Variants in SPAST observed in about 807,000 individuals in gnomAD.
SPAST encodes the protein spastin, also known as spastic paraplegia 4 (autosomal dominant; spastin).
In SPAST, 30 loss-of-function variants were observed where a neutral mutation model predicts 76.6. The observed-to-expected ratio is 0.39, with a 90% CI of 0.29 to 0.53. The LOEUF is 0.53. Among genes scored for constraint, SPAST ranks in the 20% least tolerant of loss-of-function variants. The probability of loss-of-function intolerance (pLI) is 0.68; values close to 1 mark genes in which losing one functional copy is unlikely to be tolerated. For synonymous variants in SPAST, 305 were observed against 281.0 expected (o/e 1.09, Z -0.86); for missense variants, 717 against 770.5 (o/e 0.93, Z 0.82).
chr2:32,140,743 C>T (rs1359683051), intron 12 of SPAST, among the ~76,000 whole-genome samples: 1 of 146,686 alleles, frequency 6.8e-6, no homozygotes, highest in East Asian at 1.9e-4. Flanking sequence ...GTGGCAAAAC[C>T]CCATATCTAT....
intron 4 of SPAST, among the ~76,000 whole-genome samples, chr2:32,106,780 T>G (rs897731336): frequency 6.6e-6 from 1 of 152,138 alleles, no homozygotes; most frequent in Non-Finnish European, 1.5e-5. Context: ...CCTCTTCCCA[T>G]TCCTTCCTCT....
rs2148753625 is a variant in SPAST at position 32,136,570 on chromosome 2, A to G, written c.1253A>G (p.Glu418Gly). 6.2e-7 allele frequency: 1 copy of G among 1,612,016 alleles called. No homozygotes were observed. The highest frequency in any genetic ancestry group is 8.5e-7 in the Non-Finnish European group (1 of 1,178,178). The change falls in exon 10 of 17, where the codon GAA (glutamate) becomes GGA (glycine). Residue 418 changes from glutamate (E) to glycine (G), a missense_variant. Physicochemically the swap from Glu to Gly is moderately conservative, Grantham distance 98. This residue lies in a region of SPAST where 78 missense variants were observed against 197.6 expected (regional missense o/e 0.39). Coordinates refer to ENST00000315285, the MANE Select transcript of SPAST (RefSeq NM_014946.4). ...AASLTSKYVG[E>G]GEKLVRALFA... ...TATAATGCTTTGTTTTAGGTGGGAG[A>G]AGGAGAGAAATTGGTGAGGGCTCTT...
chr2:32,076,341 T>G (rs1205004791), intron 1 of SPAST, among the ~76,000 whole-genome samples: 1 of 152,216 alleles, frequency 6.6e-6, no homozygotes, highest in Non-Finnish European at 1.5e-5. Flanking sequence ...TGAAAATAAA[T>G]GTTTGCTAGT....
rs181676002 is a variant in SPAST, at chr2:32,115,888, A to G, written c.1004+53A>G. 2.4e-4 allele frequency: 332 copies of G among 1,392,118 alleles called. 3 individuals carry two copies. In the East Asian group the frequency reaches 8.1e-3, roughly 34 times the overall value. 86.2% of individuals were successfully genotyped at this position (1,392,118 alleles called of 1,614,324 possible). A position where few individuals can be genotyped will look rare whatever the true frequency, so the allele number is the denominator to read the frequency against. On this transcript the variant is annotated intron_variant, in intron 6 of 16. Transcript: ENST00000315285. The stretch of plus-strand genomic sequence containing the variant: ...TTTATAGTTTTTATATTTTAATTTT[A>G]CTTATAAAACATGTCAGGAGTGAAA...
chr2:32,128,784 G>C (rs988319231), intron 9 of SPAST: 1 of 378,444 alleles, frequency 2.6e-6, no homozygotes, highest in Non-Finnish European at 5.0e-6. Flanking sequence ...AATGTTGGCA[G>C]GGTTGCTTCC....
At chr2:32,078,226 G>A (rs1476916302) in intron 1 of SPAST, among the ~76,000 whole-genome samples, 1 of 152,016 alleles carries the variant, frequency 6.6e-6, no homozygotes, top group African/African-American at 2.4e-5. Context: ...TCCTGACCTC[G>A]TGATCCCCAT....
chr2:32,118,956 A>G (rs908741145), intron 7 of SPAST, among the ~76,000 whole-genome samples: 4 of 152,222 alleles, frequency 2.6e-5, no homozygotes, highest in Non-Finnish European at 5.9e-5. Context: ...TTTTCATGGT[A>G]GTGACATAAT....
chr2:32,080,048 A>G (rs1015589153), intron 1 of SPAST, among the ~76,000 whole-genome samples: 6 of 152,194 alleles, frequency 3.9e-5, no homozygotes, highest in Non-Finnish European at 8.8e-5. Context: ...CATTCCCACC[A>G]GCAGTGTACA....
At chr2:32,140,943 GTTT>G (rs35964074) in intron 12 of SPAST, among the ~76,000 whole-genome samples, 1 of 117,206 alleles carries the variant, frequency 8.5e-6, no homozygotes, top group African/African-American at 3.1e-5. Flanking sequence ...TGTTGTTGTT[GTTT>G]TTTTTTTTTT....
At chr2:32,085,789 C>T (rs1318020601) in intron 1 of SPAST, among the ~76,000 whole-genome samples, 1 of 151,980 alleles carries the variant, frequency 6.6e-6, no homozygotes, top group Non-Finnish European at 1.5e-5. Context: ...GCCTGTAATC[C>T]CAGCACTTTG....
intron 4 of SPAST, among the ~76,000 whole-genome samples, chr2:32,112,322 C>T (rs7581340): frequency 0.41 from 60,575 of 148,832 alleles, 12,613 homozygotes; most frequent in East Asian, 0.64. Context: ...TCTAGAACCT[C>T]GTTTTAAGGT....
chr2:32,093,310 CAAAAAAA>C lies in SPAST; in HGVS notation c.586+3722_586+3728del, dbSNP rs34291087. On this transcript the variant is annotated intron_variant, in intron 3 of 16. Coordinates refer to ENST00000315285, the MANE Select transcript of SPAST (RefSeq NM_014946.4). ...TGGGTGACAGAGCGAGACTCCGTCT[CAAAAAAA>C]AAAAAAAAAAAAAAAATAGCCGGGC... is the stretch of plus-strand genomic sequence containing the variant. Among the ~76,000 whole-genome samples the C allele has an allele frequency of 1.3e-3, 80 of 62,178 alleles. No homozygotes were observed. The South Asian group carries it at 0.022, about 17-fold the overall frequency. The allele number at this position is 62,178 out of a possible 152,430, so 40.8% of individuals were successfully genotyped here. A position where few individuals can be genotyped will look rare whatever the true frequency, so the allele number is the denominator to read the frequency against.
chr2:32,087,619 T>C lies in SPAST; in HGVS notation c.502+41T>C, dbSNP rs370933250. 853 of 925,594 alleles carry C rather than the reference T, an allele frequency of 9.2e-4. 2 individuals are homozygous for C. Among genetic ancestry groups the C allele is most frequent in the Non-Finnish European group, 1.4e-3 (793 of 580,126 alleles). 57.3% of individuals were successfully genotyped at this position (925,594 alleles called of 1,614,324 possible). A position where few individuals can be genotyped will look rare whatever the true frequency, so the allele number is the denominator to read the frequency against. ...TTTATAGCCATCCCAAATTATGATA[T>C]ATTCACATGATTGTCCAGATTTCAG... On this transcript the variant is annotated intron_variant, in intron 2 of 16. Coordinates refer to ENST00000315285, the MANE Select transcript of SPAST (RefSeq NM_014946.4).
At chr2:32,129,047 T>C (rs1433979467) in intron 9 of SPAST, 2 of 161,668 alleles carry the variant, frequency 1.2e-5, no homozygotes, top group African/African-American at 4.8e-5. Context: ...CATTCATAGG[T>C]ACTAGGGATA....
intron 7 of SPAST, among the ~76,000 whole-genome samples, chr2:32,121,030 T>C (rs969217690): frequency 1.3e-5 from 2 of 152,230 alleles, no homozygotes; most frequent in Non-Finnish European, 2.9e-5. Context: ...TTGGACTTCT[T>C]ATTTCTATTT....
chr2:32,134,091 AG>A (rs1454323543), intron 9 of SPAST, among the ~76,000 whole-genome samples: 1 of 152,148 alleles, frequency 6.6e-6, no homozygotes, highest in Non-Finnish European at 1.5e-5. Context: ...GCTGGAGTAC[AG>A]TGGCGTGATC....
At chr2:32,089,459 A>G in intron 2 of SPAST, 63 bp from the exon 3 acceptor site, 1 of 949,382 alleles carries the variant, frequency 1.1e-6, no homozygotes, top group South Asian at 1.3e-5. Context: ...TTTGGGTGAT[A>G]ATTTATCGTG....
intron 12 of SPAST, among the ~76,000 whole-genome samples, chr2:32,137,589 G>A (rs1175221403): frequency 6.6e-6 from 1 of 152,196 alleles, no homozygotes; most frequent in Admixed American, 6.5e-5. Flanking sequence ...GTTTGGGTCA[G>A]CATAAAATTC....
intron 1 of SPAST, among the ~76,000 whole-genome samples, chr2:32,068,570 C>T (rs949343994): frequency 9.2e-5 from 14 of 152,104 alleles, no homozygotes; most frequent in Non-Finnish European, 1.2e-4. Context: ...GTGATCCACT[C>T]GCCTTGGCCT....
Sources: gnomAD v4.1 joint callset for allele counts (sites outside exome capture counted in the v4.1 genomes callset) on GRCh38, gnomAD v4.1.1 for gene constraint, gnomAD v4.1.1 regional missense constraint, MANE v1.5 for transcripts, NCBI Gene and HGNC (gene_info 2026-07-23, HGNC 2026-07-21) for gene names.